The following TDRD3 variants were observed in gnomAD, a reference collection of about 807,000 sequenced individuals.
TDRD3 encodes the protein tudor domain containing 3.
A neutral mutation model predicts 86.7 loss-of-function variants in TDRD3; 45 were observed. That is an observed-to-expected ratio of 0.52 (90% CI 0.41 to 0.67). The LOEUF (loss-of-function observed/expected upper bound fraction) is 0.67. Ranked by LOEUF, TDRD3 falls within the 30% of genes least tolerant of loss-of-function variation. The pLI is 0.00. For missense variants in TDRD3, 814 were observed against 889.0 expected (o/e 0.92, Z 1.07); for synonymous variants, 298 against 301.7 (o/e 0.99, Z 0.13).
intron 1 of TDRD3, among the ~76,000 whole-genome samples, chr13:60,437,557 G>A (rs933483064): frequency 6.6e-6 from 1 of 151,688 alleles, no homozygotes; most frequent in South Asian, 2.1e-4. Flanking sequence ...TCCTTCATCT[G>A]TAAAGTTGAA....
At chr13:60,415,491 T>C (rs1182637191) in intron 1 of TDRD3, among the ~76,000 whole-genome samples, 1 of 152,062 alleles carries the variant, frequency 6.6e-6, no homozygotes, top group Non-Finnish European at 1.5e-5. Flanking sequence ...ATTTAACAAA[T>C]GTAAGCAATA....
intron 13 of TDRD3, among the ~76,000 whole-genome samples, chr13:60,568,784 T>C (rs566973163): frequency 1.3e-5 from 2 of 152,202 alleles, no homozygotes; most frequent in Admixed American, 6.5e-5. Flanking sequence ...AACATCCAAA[T>C]TGGAAAGGAA....
At chr13:60,512,801 C>A (rs1044447822) in intron 10 of TDRD3, among the ~76,000 whole-genome samples, 5 of 152,224 alleles carry the variant, frequency 3.3e-5, no homozygotes, top group African/African-American at 4.8e-5. Context: ...AGGATACAGC[C>A]TCCCTCCCAG....
chr13:60,543,492 A>G (rs1032451643), intron 12 of TDRD3, among the ~76,000 whole-genome samples: 5 of 152,116 alleles, frequency 3.3e-5, no homozygotes, highest in Non-Finnish European at 7.4e-5. Flanking sequence ...TTTCTCATGG[A>G]ATTTTTTTTC....
intron 5 of TDRD3, among the ~76,000 whole-genome samples, chr13:60,480,389 A>G (rs561667953): frequency 7.2e-5 from 11 of 152,086 alleles, no homozygotes; most frequent in African/African-American, 2.7e-4. Flanking sequence ...TTCTTTTTGT[A>G]AGGCCCCTTT....
chr13:60,409,157 ATTC>A (rs1954301612), intron 1 of TDRD3, among the ~76,000 whole-genome samples: 1 of 152,236 alleles, frequency 6.6e-6, no homozygotes, highest in African/African-American at 2.4e-5. Flanking sequence ...AAAGTCAAGA[ATTC>A]AGGTTTGAGA....
chr13:60,541,092 A>G (rs182873875), intron 12 of TDRD3, among the ~76,000 whole-genome samples: 20 of 152,288 alleles, frequency 1.3e-4, no homozygotes, highest in Admixed American at 9.8e-4. Flanking sequence ...AAAATATTAA[A>G]TATTAGGTTA....
intron 1 of TDRD3, among the ~76,000 whole-genome samples, chr13:60,423,770 ATAATTTATG>A (rs1566180148): frequency 6.6e-6 from 1 of 152,204 alleles, no homozygotes; most frequent in African/African-American, 2.4e-5. Context: ...ACTTTATATC[ATAATTTATG>A]TGGTATATTT....
intron 3 of TDRD3, among the ~76,000 whole-genome samples, chr13:60,457,585 T>G (rs1955709435): frequency 6.6e-6 from 1 of 152,226 alleles, no homozygotes; most frequent in African/African-American, 2.4e-5. Flanking sequence ...ATCAGGTAAC[T>G]CATTCCATAA....
intron 7 of TDRD3, among the ~76,000 whole-genome samples, chr13:60,490,572 A>G (rs982375002): frequency 1.3e-5 from 2 of 152,234 alleles, no homozygotes; most frequent in South Asian, 2.1e-4. Context: ...GAGCACAGCA[A>G]TAACCTCAGC....
chr13:60,524,886 C>T (rs976022799), intron 10 of TDRD3, among the ~76,000 whole-genome samples: 2 of 151,484 alleles, frequency 1.3e-5, no homozygotes, highest in Non-Finnish European at 2.9e-5. Flanking sequence ...ATCATGAGGT[C>T]AGGAGTTTGA....
intron 10 of TDRD3, among the ~76,000 whole-genome samples, chr13:60,521,509 C>T (rs893639864): frequency 6.6e-6 from 1 of 151,852 alleles, no homozygotes; most frequent in African/African-American, 2.4e-5. Flanking sequence ...TACCTATAGT[C>T]ACTAAACTGG....
intron 12 of TDRD3, chr13:60,547,413 G>A (rs1319329939): frequency 1.0e-6 from 1 of 985,240 alleles, no homozygotes; most frequent in African/African-American, 1.7e-5. Flanking sequence ...AGCTCCAGGG[G>A]AGCTGGAAAT....
intron 1 of TDRD3, among the ~76,000 whole-genome samples, chr13:60,409,239 T>C (rs1954303261): frequency 2.0e-5 from 3 of 152,226 alleles, no homozygotes. Context: ...GCTGCTGGGA[T>C]AGAGCCCTCA....
intron 1 of TDRD3, among the ~76,000 whole-genome samples, chr13:60,401,355 T>C (rs551647013): frequency 1.3e-5 from 2 of 152,202 alleles, no homozygotes; most frequent in African/African-American, 4.8e-5. Context: ...CTAGAGATGA[T>C]TTCAGGTATG....
intron 3 of TDRD3, among the ~76,000 whole-genome samples, chr13:60,457,542 A>G (rs117269692): frequency 6.6e-6 from 1 of 152,348 alleles, no homozygotes; most frequent in Non-Finnish European, 1.5e-5. Context: ...AAGATGAGTG[A>G]GGCTGAGGCC....
intron 3 of TDRD3, among the ~76,000 whole-genome samples, chr13:60,460,095 A>T (rs908156580): frequency 6.6e-6 from 1 of 152,260 alleles, no homozygotes; most frequent in East Asian, 1.9e-4. Context: ...ATCCAGAAAT[A>T]TAACTGTTTT....
intron 12 of TDRD3, among the ~76,000 whole-genome samples, chr13:60,546,068 T>C (rs1957934859): frequency 6.6e-6 from 1 of 152,162 alleles, no homozygotes; most frequent in Admixed American, 6.5e-5. Context: ...GAGCATCATT[T>C]AAAGTTTAGA....
intron 3 of TDRD3, among the ~76,000 whole-genome samples, chr13:60,453,199 A>G (rs1955587937): frequency 1.3e-5 from 2 of 152,346 alleles, no homozygotes; most frequent in East Asian, 1.9e-4. Flanking sequence ...GCCTTTCAAT[A>G]CTAGAAAACT....
Sources: gnomAD v4.1 joint callset for allele counts (sites outside exome capture counted in the v4.1 genomes callset) on GRCh38, gnomAD v4.1.1 for gene constraint, MANE v1.5 for transcripts, NCBI Gene and HGNC (gene_info 2026-07-23, HGNC 2026-07-21) for gene names.